ABCG2: variants seen among roughly 807,000 people sequenced by gnomAD.
The protein encoded by ABCG2 is ATP binding cassette subfamily G member 2 (JR blood group), also known as broad substrate specificity ATP-binding cassette transporter ABCG2.
Under a neutral mutation model 73.5 loss-of-function variants are expected in ABCG2, and 80 were observed. The observed-to-expected ratio is 1.09, with a 90% CI of 0.91 to 1.31. The LOEUF (loss-of-function observed/expected upper bound fraction) is 1.31, where lower values mean the gene tolerates loss of function less well. Ranked by LOEUF, ABCG2 falls within the 50% of genes most tolerant of loss-of-function variation. The pLI is 0.00. For missense variants in ABCG2, 796 were observed against 786.2 expected, an observed-to-expected ratio of 1.01 and a Z score of -0.15; for synonymous variants, 269 against 282.4, an observed-to-expected ratio of 0.95 and a Z score of 0.48.
At chr4:88,204,357 G>A (rs141979018) in intron 1 of ABCG2, among the ~76,000 whole-genome samples, 1 of 152,152 alleles carries the variant, frequency 6.6e-6, no homozygotes, top group Non-Finnish European at 1.5e-5. Flanking sequence ...GGAGGTACAG[G>A]TTGCAGTGAG....
At position 88,137,285 on chromosome 4, in the gene ABCG2, C is replaced by T. The variant is rs558254251; in HGVS notation, c.203+2508G>A. On this transcript the variant is annotated intron_variant, in intron 2 of 15. Coordinates refer to ENST00000237612, the MANE Select transcript of ABCG2 (RefSeq NM_004827.3). ...ATGATAATAGAAAATCACTGTTTGG[C>T]GACTATGATAGTGGTGGCTGACTCA... Among the ~76,000 whole-genome samples, 54 of 152,178 alleles carry T rather than the reference C, an allele frequency of 3.5e-4. 1 individual carries two copies. In the South Asian group the frequency reaches 1.0e-2, roughly 28 times the overall value.
In ABCG2 at chr4:88,118,125, T is replaced by A; in HGVS notation, c.825A>T (p.Gly275=). Residue 275 remains glycine, a synonymous_variant, in exon 7 of 16, where the codon GGA becomes GGT. Transcript: ENST00000237612. ...CAACCATACCAGCTGATTCAAAGTA[T>A]CCCAAGGCCTCCTGAGCAGGCCCGT... ...MFHGPAQEAL[G]YFESAGYHCE... 1.9e-6 allele frequency: 3 copies of A among 1,613,448 alleles called. No homozygotes were observed. The highest frequency in any genetic ancestry group is 1.1e-5 in the South Asian group (1 of 90,866).
At chr4:88,202,354 T>TTATATATATATATATATATA (rs57530549) in intron 1 of ABCG2, among the ~76,000 whole-genome samples, 4 of 62,074 alleles carry the variant, frequency 6.4e-5, no homozygotes, top group South Asian at 1.6e-3. Context: ...CTACAATTAT[T>TTATATATATATATATATATA]TATATATATA....
chr4:88,157,057 G>A (rs1726990813), intron 1 of ABCG2, among the ~76,000 whole-genome samples: 1 of 152,152 alleles, frequency 6.6e-6, no homozygotes, highest in South Asian at 2.1e-4. Context: ...AGCTGAGATC[G>A]TGCCACTGCA....
intron 1 of ABCG2, among the ~76,000 whole-genome samples, chr4:88,165,908 T>G (rs1727499286): frequency 6.6e-6 from 1 of 152,016 alleles, no homozygotes; most frequent in African/African-American, 2.4e-5. Flanking sequence ...ATCATTAGAT[T>G]AACAATCTTC....
rs114085125 is a variant in ABCG2 at position 88,145,334 on chromosome 4, C to A, written c.-19-5320G>T. Among the ~76,000 whole-genome samples, 729 of 152,258 alleles carry A rather than the reference C, an allele frequency of 4.8e-3. 7 individuals are homozygous for A. The highest frequency in any genetic ancestry group is 0.017 in the African/African-American group (694 of 41,560). ...ATTGTCCCTTGTCTTTAAAAGGTAT[C>A]ATGGTATTTTATTGCCTTTAAAAGG... On this transcript the variant is annotated intron_variant, in intron 1 of 15. Coordinates refer to ENST00000237612, the MANE Select transcript of ABCG2 (RefSeq NM_004827.3).
chr4:88,132,442 C>G, intron 3 of ABCG2, 134 bp downstream of exon 3: 1 of 886,648 alleles, frequency 1.1e-6, no homozygotes, highest in Non-Finnish European at 1.8e-6. Context: ...TACAGTTATC[C>G]ACAGCACCTA....
At position 88,221,745 on chromosome 4, in the gene ABCG2, T is replaced by C. The variant is rs138999954; in HGVS notation, c.-20+9249A>G. Reference sequence around the variant, plus strand: ...GGAACTTTGAACTTGAGAGGGATGATTTAGGGTATCTGGTGGAAGAAATTT... The same window carrying C: ...GGAACTTTGAACTTGAGAGGGATGACTTAGGGTATCTGGTGGAAGAAATTT... On this transcript the variant is annotated intron_variant, in intron 1 of 15. Coordinates refer to the ABCG2 transcript ENST00000515655. Among the ~76,000 whole-genome samples the C allele has an allele frequency of 2.2e-3, 340 of 152,162 alleles. 2 individuals carry two copies. The highest frequency in any genetic ancestry group is 7.9e-3 in the African/African-American group (327 of 41,504).
intron 5 of ABCG2, among the ~76,000 whole-genome samples, chr4:88,123,266 T>C (rs985823966): frequency 6.6e-6 from 1 of 152,118 alleles, no homozygotes; most frequent in Non-Finnish European, 1.5e-5. Flanking sequence ...CTCCAAAGGA[T>C]CACAGCTCCT....
chr4:88,137,972 T>C (rs45565041), intron 2 of ABCG2, among the ~76,000 whole-genome samples: 3 of 152,106 alleles, frequency 2.0e-5, no homozygotes, highest in Non-Finnish European at 2.9e-5. Context: ...CTGGGCAACG[T>C]AGGAAGACCC....
At chr4:88,230,308 T>TATATATATATATATA (rs746680651) in intron 1 of ABCG2, among the ~76,000 whole-genome samples, 1,508 of 96,110 alleles carry the variant, frequency 0.016, 164 homozygotes, top group Middle Eastern at 0.019. Context: ...TATATATATA[T>TATATATATATATATA]TTTTTTTTTT....
At chr4:88,173,418 G>A (rs1393130275) in intron 1 of ABCG2, among the ~76,000 whole-genome samples, 1 of 152,082 alleles carries the variant, frequency 6.6e-6, no homozygotes, top group Non-Finnish European at 1.5e-5. Context: ...ATTGTTTACT[G>A]TAAAATTATG....
At position 88,131,859 on chromosome 4, in the gene ABCG2, T is replaced by C; in HGVS notation, c.322A>G (p.Ile108Val). The change falls in exon 4 of 16, where the codon ATA becomes GTA. Residue 108 changes from isoleucine (I) to valine (V), a missense_variant. Ile to Val is a conservative substitution (Grantham distance 29). Transcript: ENST00000237612. ...TTGGCAGGTCGCGGTGCTCCATTTATCAGAACATCTCCAGATAATCCACTT... is the reference window on the plus strand; with the variant it reads ...TTGGCAGGTCGCGGTGCTCCATTTACCAGAACATCTCCAGATAATCCACTT... Reference protein sequence around the residue: ...DPSGLSGDVLINGAPRPANFK... With the variant: ...DPSGLSGDVLVNGAPRPANFK... 6.2e-7 allele frequency: 1 copy of C among 1,613,946 alleles called. No individual in the cohort carries two copies. The highest frequency in any genetic ancestry group is 1.1e-5 in the South Asian group (1 of 91,068).
intron 1 of ABCG2, among the ~76,000 whole-genome samples, chr4:88,145,109 G>T (rs1288547180): frequency 6.6e-6 from 1 of 151,634 alleles, no homozygotes; most frequent in East Asian, 1.9e-4. Context: ...TTTTTCCTAG[G>T]ATGACGCTAG....
chr4:88,213,212 AT>A (rs1729670597), intron 1 of ABCG2, among the ~76,000 whole-genome samples: 1 of 152,154 alleles, frequency 6.6e-6, no homozygotes, highest in African/African-American at 2.4e-5. Context: ...TAATTATCTG[AT>A]TTTAAATTCT....
intron 7 of ABCG2, among the ~76,000 whole-genome samples, chr4:88,116,361 G>A (rs989972008): frequency 3.9e-5 from 6 of 152,218 alleles, no homozygotes; most frequent in East Asian, 1.9e-4. Context: ...TGAACTCAGC[G>A]TGGCCTGAAG....
chr4:88,096,413 T>C (rs2110175162), intron 13 of ABCG2, among the ~76,000 whole-genome samples: 1 of 152,316 alleles, frequency 6.6e-6, no homozygotes, highest in Admixed American at 6.5e-5. Flanking sequence ...TTATGACTAG[T>C]TTTTAATGTT....
At chr4:88,171,122 G>A (rs1727739017) in intron 1 of ABCG2, among the ~76,000 whole-genome samples, 1 of 152,202 alleles carries the variant, frequency 6.6e-6, no homozygotes, top group South Asian at 2.1e-4. Context: ...ACTTGAGGGT[G>A]GAGGTTGAGA....
intron 1 of ABCG2, among the ~76,000 whole-genome samples, chr4:88,185,135 G>A (rs1483221352): frequency 6.6e-6 from 1 of 152,188 alleles, no homozygotes; most frequent in Non-Finnish European, 1.5e-5. Flanking sequence ...GGTCAAGGCA[G>A]GTGGATCACC....
Sources: allele counts gnomAD v4.1 joint callset (sites outside exome capture counted in the v4.1 genomes callset), GRCh38; gene constraint gnomAD v4.1.1; transcripts MANE v1.5; gene names NCBI Gene and HGNC (gene_info 2026-07-23, HGNC 2026-07-21).